Variants in FGD5 observed in about 807,000 individuals in gnomAD.
FGD5 encodes FYVE, RhoGEF and PH domain-containing protein 5.
Under a neutral mutation model 133.4 loss-of-function variants are expected in FGD5, and 28 were observed. The ratio of observed to expected loss-of-function variants is 0.21; its 90% CI spans 0.16 to 0.29. The LOEUF is 0.29. Among genes scored for constraint, FGD5 ranks in the 10% least tolerant of loss-of-function variants. The probability of loss-of-function intolerance (pLI) is 1.00; values close to 1 mark genes in which losing one functional copy is unlikely to be tolerated. For missense variants in FGD5, 1,858 were observed against 1,895.2 expected, an observed-to-expected ratio of 0.98 and a Z score of 0.36; for synonymous variants, 810 against 776.5, an observed-to-expected ratio of 1.04 and a Z score of -0.72.
intron 2 of FGD5, among the ~76,000 whole-genome samples, chr3:14,868,445 C>G (rs2037540201): frequency 6.6e-6 from 1 of 152,256 alleles, no homozygotes; most frequent in African/African-American, 2.4e-5. Flanking sequence ...CTGGTCCTTG[C>G]ACCTGTAGCC....
chr3:14,907,731 G>C lies in FGD5; in HGVS notation c.3336+20G>C. 1 of 1,612,164 alleles carries C rather than the reference G, an allele frequency of 6.2e-7. No individual in the cohort carries two copies. Among genetic ancestry groups the C allele is most frequent in the Non-Finnish European group, 8.5e-7 (1 of 1,178,648 alleles). On this transcript the variant is annotated intron_variant, in intron 10 of 19. Coordinates refer to ENST00000285046, the MANE Select transcript of FGD5 (RefSeq NM_152536.4). The stretch of plus-strand genomic sequence containing the variant: ...GGAAGGGTGAGTGCCGCCACCATGG[G>C]TAGGGGCAGAGGGTGGCTGGGCGAG...
At chr3:14,873,931 A>C (rs1023838662) in intron 2 of FGD5, among the ~76,000 whole-genome samples, 5 of 152,030 alleles carry the variant, frequency 3.3e-5, no homozygotes, top group Admixed American at 3.3e-4. Context: ...CATATTTGTC[A>C]GGCTGGTCTT....
intron 1 of FGD5, among the ~76,000 whole-genome samples, chr3:14,811,062 T>C (rs1288166507): frequency 3.3e-5 from 5 of 152,042 alleles, no homozygotes; most frequent in South Asian, 2.1e-4. Flanking sequence ...GGGGTCCCCG[T>C]CCGAAGCGCC....
chr3:14,844,886 C>A (rs1003040895), intron 1 of FGD5, among the ~76,000 whole-genome samples: 4 of 152,144 alleles, frequency 2.6e-5, no homozygotes, highest in Non-Finnish European at 5.9e-5. Context: ...CCTCATCTCT[C>A]CTCTTAACTA....
chr3:14,908,528 C>T (rs1320910926), intron 10 of FGD5, among the ~76,000 whole-genome samples: 1 of 151,538 alleles, frequency 6.6e-6, no homozygotes, highest in Non-Finnish European at 1.5e-5. Context: ...ATCAAAATCC[C>T]AAAAATATAA....
At chr3:14,932,783 C>T in intron 19 of FGD5, 52 bp downstream of exon 19, 35 of 1,579,308 alleles carry the variant, frequency 2.2e-5, no homozygotes, top group Middle Eastern at 4.5e-4. Flanking sequence ...CAGAAGGCAA[C>T]AAGTTGTTTC....
chr3:14,844,217 A>AAAT (rs1559477363), intron 1 of FGD5, among the ~76,000 whole-genome samples: 13 of 20,370 alleles, frequency 6.4e-4, no homozygotes, highest in East Asian at 1.9e-3. Flanking sequence ...AAAAAAAAAA[A>AAAT]ATATATATAT....
intron 4 of FGD5, among the ~76,000 whole-genome samples, chr3:14,894,716 G>A (rs293925): frequency 0.046 from 6,469 of 139,480 alleles, 258 homozygotes; most frequent in East Asian, 0.2. Flanking sequence ...TTGCTATGTT[G>A]CCCAGACTGG....
At chr3:14,834,485 A>C (rs578101997) in intron 1 of FGD5, among the ~76,000 whole-genome samples, 12 of 152,326 alleles carry the variant, frequency 7.9e-5, no homozygotes, top group African/African-American at 2.9e-4. Flanking sequence ...TATTACTAAC[A>C]CTATAGCACT....
chr3:14,932,748 T>TTA lies in FGD5; in HGVS notation c.4352+18_4352+19dup, dbSNP rs760423506. 4 of 1,609,338 alleles carry TTA rather than the reference T, an allele frequency of 2.5e-6. No homozygotes were observed. The highest frequency in any genetic ancestry group is 3.4e-6 in the Non-Finnish European group (4 of 1,178,522). ...AGCTCAGAGGTACGAAAAGAACTAA[T>TTA]TAGTCTTATAGCTTTTTGTTCTCTC... On this transcript the variant is annotated intron_variant, in intron 19 of 19. Transcript: ENST00000285046.
intron 11 of FGD5, among the ~76,000 whole-genome samples, chr3:14,912,588 C>T (rs2038471129): frequency 6.6e-6 from 1 of 152,174 alleles, no homozygotes; most frequent in South Asian, 2.1e-4. Flanking sequence ...GAGCTCACTG[C>T]CTGCTGTAAC....
chr3:14,827,087 TTAGG>T (rs2036613644), intron 1 of FGD5, among the ~76,000 whole-genome samples: 1 of 152,278 alleles, frequency 6.6e-6, no homozygotes, highest in African/African-American at 2.4e-5. Context: ...TTACAGTTAG[TTAGG>T]TAGGAATTTC....
At chr3:14,910,763 G>A in intron 10 of FGD5, 98 bp from the exon 11 acceptor site, 3 of 1,053,022 alleles carry the variant, frequency 2.8e-6, no homozygotes, top group Non-Finnish European at 4.2e-6. Context: ...CCTTGTCTGG[G>A]ATTGATTTAA....
In FGD5 at chr3:14,820,102, G is replaced by T; in HGVS notation, c.1031G>T (p.Gly344Val). The change falls in exon 1 of 20, where the codon GGA becomes GTA. Residue 344 changes from glycine (G) to valine (V), a missense_variant. Physicochemically the swap from Gly to Val is moderately radical, Grantham distance 109. Transcript: ENST00000285046. Reference sequence around the variant, plus strand: ...GAGGACTTCGTGACTTCCCTCACAGGAAGCCCCTATGAGTTCTTCCCAACT... The same window carrying T: ...GAGGACTTCGTGACTTCCCTCACAGTAAGCCCCTATGAGTTCTTCCCAACT... ...CMEDFVTSLT[G>V]SPYEFFPTES... The T allele has an allele frequency of 1.9e-6, 3 of 1,614,056 alleles. No homozygotes were observed. The highest frequency in any genetic ancestry group is 1.7e-6 in the Non-Finnish European group (2 of 1,179,890).
At chr3:14,857,589 A>T (rs1575212139) in intron 1 of FGD5, among the ~76,000 whole-genome samples, 1 of 152,146 alleles carries the variant, frequency 6.6e-6, no homozygotes, top group East Asian at 1.9e-4. Flanking sequence ...CAACCGGGAG[A>T]CTTCAGCAAG....
intron 2 of FGD5, among the ~76,000 whole-genome samples, chr3:14,872,204 A>T (rs1457144974): frequency 6.6e-6 from 1 of 152,226 alleles, no homozygotes; most frequent in African/African-American, 2.4e-5. Flanking sequence ...TGAAAAAGCA[A>T]TTCATGTGAT....
At position 14,918,907 on chromosome 3, in the gene FGD5, G is replaced by A. The variant is rs2038617436; in HGVS notation, c.3569+74G>A. On this transcript the variant is annotated intron_variant, in intron 13 of 19. Transcript: ENST00000285046. ...TGGGAAGGTTCAGAACAACAGATAA[G>A]GATGTGCTGTTTTTATTTTGGTATC... is the stretch of plus-strand genomic sequence containing the variant. The A allele has an allele frequency of 2.7e-6, 4 of 1,496,720 alleles. No individual in the cohort carries two copies. The African/African-American group carries it at 5.5e-5, about 21-fold the overall frequency. The allele number at this position is 1,496,720 out of a possible 1,614,324, so 92.7% of individuals were successfully genotyped here.
At chr3:14,929,544 GGTGGGGA>G in intron 18 of FGD5, among the ~76,000 whole-genome samples, 1 of 152,306 alleles carries the variant, frequency 6.6e-6, no homozygotes, top group East Asian at 1.9e-4. Flanking sequence ...TAGCCATTCT[GGTGGGGA>G]GTGTTGAGGT....
Position 14,922,118 on chromosome 3 carries a change from T to A in FGD5, c.3669+101T>A. ...ACTCACACCCAGATGGACGTGTAGC[T>A]CCTGTCTTGGGGCACTGGCTCCCCC... On this transcript the variant is annotated intron_variant, in intron 14 of 19. Coordinates refer to ENST00000285046, the MANE Select transcript of FGD5 (RefSeq NM_152536.4). The surrounding 1 kb of genome is among the most constrained non-coding windows in gnomAD (Gnocchi z 4.1). 2.3e-6 allele frequency: 3 copies of A among 1,287,280 alleles called. No homozygotes were observed. In the South Asian group the frequency reaches 3.9e-5, roughly 17 times the overall value. 79.7% of individuals were successfully genotyped at this position (1,287,280 alleles called of 1,614,324 possible). A position where few individuals can be genotyped will look rare whatever the true frequency, so the allele number is the denominator to read the frequency against.
Sources: gnomAD v4.1 joint callset for allele counts (sites outside exome capture counted in the v4.1 genomes callset) on GRCh38, gnomAD v4.1.1 for gene constraint, Gnocchi (gnomAD v3.1) non-coding constraint, MANE v1.5 for transcripts, NCBI Gene and HGNC (gene_info 2026-07-23, HGNC 2026-07-21) for gene names.